The following RASSF8 variants were observed in gnomAD, a reference collection of about 807,000 sequenced individuals.
The protein encoded by RASSF8 is Ras association domain family member 8.
RASSF8 carries 22 observed loss-of-function variants against 48.5 expected under a neutral mutation model. That is an observed-to-expected ratio of 0.45 (90% CI 0.32 to 0.65). RASSF8 has a LOEUF of 0.65. Among genes scored for constraint, RASSF8 ranks in the 30% least tolerant of loss-of-function variants. RASSF8 has a pLI of 0.03. For missense variants in RASSF8, 418 were observed against 489.2 expected (o/e 0.85, Z 1.37); for synonymous variants, 127 against 171.5 (o/e 0.74, Z 2.03).
intron 2 of RASSF8, among the ~76,000 whole-genome samples, chr12:26,040,633 G>A (rs1943244165): frequency 6.6e-6 from 1 of 152,140 alleles, no homozygotes; most frequent in Non-Finnish European, 1.5e-5. Context: ...ATGCCACACT[G>A]CTGACATCTT....
At position 26,072,148 on chromosome 12, in the gene RASSF8, G is replaced by A. The variant is rs1437646271; in HGVS notation, c.*3330G>A. On this transcript the variant is annotated 3_prime_UTR_variant, in exon 6 of 6. Transcript: ENST00000689635. Reference sequence around the variant, plus strand: ...ATTTGGCCTTAATTTATATAACGATGCTGTGTTCACATCCCTCTCCTACCT... The same window carrying A: ...ATTTGGCCTTAATTTATATAACGATACTGTGTTCACATCCCTCTCCTACCT... 1.0e-6 allele frequency: 1 copy of A among 983,350 alleles called. No individual in the cohort carries two copies. The highest frequency in any genetic ancestry group is 1.2e-6 in the Non-Finnish European group (1 of 828,196). The allele number at this position is 983,350 out of a possible 1,614,324, so 60.9% of individuals were successfully genotyped here. A position where few individuals can be genotyped will look rare whatever the true frequency, so the allele number is the denominator to read the frequency against.
intron 4 of RASSF8, among the ~76,000 whole-genome samples, 167 bp downstream of exon 4, chr12:26,065,554 C>CAG (rs1340824491): frequency 1.3e-5 from 2 of 152,214 alleles, no homozygotes; most frequent in Non-Finnish European, 2.9e-5. Context: ...TAGATGGGAG[C>CAG]AGTAGCCTTG....
exon 6 of RASSF8, chr12:26,079,322 C>T (rs1302514575): frequency 1.4e-5 from 4 of 292,120 alleles, no homozygotes; most frequent in East Asian, 6.4e-5. Context: ...TGGTGGCTCA[C>T]GCCTGTAATC....
At chr12:25,986,027 A>G (rs1449340445) in intron 1 of RASSF8, among the ~76,000 whole-genome samples, 1 of 152,224 alleles carries the variant, frequency 6.6e-6, no homozygotes, top group Non-Finnish European at 1.5e-5. Flanking sequence ...ACAGGGCTAT[A>G]AAAGTGAAGT....
At chr12:26,066,906 C>T (rs1426173462) in intron 4 of RASSF8, among the ~76,000 whole-genome samples, 4 of 152,188 alleles carry the variant, frequency 2.6e-5, no homozygotes, top group Non-Finnish European at 5.9e-5. Context: ...TCCAGCTATC[C>T]AAACTTGATC....
exon 6 of RASSF8, chr12:26,079,258 C>A (rs1295567165): frequency 6.8e-6 from 3 of 442,812 alleles, no homozygotes; most frequent in Non-Finnish European, 1.2e-5. Context: ...AAGGAACTCA[C>A]AGAACTTAAA....
Position 26,071,017 on chromosome 12 carries a change from C to T in RASSF8, c.*2199C>T. Reference sequence around the variant, plus strand: ...TCTCTGACAACTTCATCAGAATTTCCAAGCTGCCAAATAATCTTCATAGAC... The same window carrying T: ...TCTCTGACAACTTCATCAGAATTTCTAAGCTGCCAAATAATCTTCATAGAC... On this transcript the variant is annotated 3_prime_UTR_variant, in exon 6 of 6. Transcript: ENST00000689635. 1.0e-6 allele frequency: 1 copy of T among 985,168 alleles called. No homozygotes were observed. The highest frequency in any genetic ancestry group is 1.2e-6 in the Non-Finnish European group (1 of 829,750). 61.0% of individuals were successfully genotyped at this position (985,168 alleles called of 1,614,324 possible).
At chr12:25,968,298 C>T (rs1364441194) in intron 1 of RASSF8, among the ~76,000 whole-genome samples, 4 of 152,096 alleles carry the variant, frequency 2.6e-5, no homozygotes, top group African/African-American at 7.2e-5. Flanking sequence ...CATCTTGAAA[C>T]GTTGCTTCCT....
At chr12:26,032,100 A>G (rs547683639) in intron 2 of RASSF8, among the ~76,000 whole-genome samples, 15 of 152,282 alleles carry the variant, frequency 9.9e-5, no homozygotes, top group African/African-American at 3.6e-4. Flanking sequence ...AAATTTACCA[A>G]TCAGGGAATT....
intron 2 of RASSF8, among the ~76,000 whole-genome samples, chr12:26,006,841 C>A (rs1391937174): frequency 6.6e-6 from 1 of 152,192 alleles, no homozygotes; most frequent in African/African-American, 2.4e-5. Context: ...AGCTTTAGTT[C>A]TTACTCACTA....
chr12:26,055,047 G>A (rs1943572976), intron 2 of RASSF8, among the ~76,000 whole-genome samples, 189 bp from the exon 3 acceptor site: 1 of 152,140 alleles, frequency 6.6e-6, no homozygotes, highest in South Asian at 2.1e-4. Flanking sequence ...AAAAATAGTT[G>A]TAACATGAAA....
At chr12:25,981,260 A>G (rs1246662296) in intron 1 of RASSF8, among the ~76,000 whole-genome samples, 1 of 152,156 alleles carries the variant, frequency 6.6e-6, no homozygotes, top group African/African-American at 2.4e-5. Flanking sequence ...TATCCAGGGA[A>G]GAGAGTCTAG....
Position 26,069,634 on chromosome 12 carries a change from C to T in RASSF8, c.*816C>T. On this transcript the variant is annotated 3_prime_UTR_variant, in exon 6 of 6. Coordinates refer to ENST00000689635, the MANE Select transcript of RASSF8 (RefSeq NM_001394098.1). The stretch of plus-strand genomic sequence containing the variant: ...ATACATTATGTGTTTTGTTTCTGCC[C>T]TGTCTTATCATTTACACTCATGGAT... 6.1e-6 allele frequency: 6 copies of T among 985,354 alleles called. No individual in the cohort carries two copies. Among genetic ancestry groups the T allele is most frequent in the Non-Finnish European group, 7.2e-6 (6 of 829,888 alleles). The allele number at this position is 985,354 out of a possible 1,614,324, so 61.0% of individuals were successfully genotyped here.
At chr12:26,037,996 G>A (rs1429481177) in intron 2 of RASSF8, among the ~76,000 whole-genome samples, 5 of 152,210 alleles carry the variant, frequency 3.3e-5, no homozygotes, top group Non-Finnish European at 5.9e-5. Context: ...CCTGTGCTGT[G>A]TGTATTTGCA....
intron 1 of RASSF8, among the ~76,000 whole-genome samples, chr12:25,965,461 T>C (rs1941339878): frequency 6.7e-6 from 1 of 150,092 alleles, no homozygotes; most frequent in Admixed American, 6.7e-5. Context: ...GCCTCCTAGG[T>C]TCAGTCAATT....
At position 26,065,162 on chromosome 12, in the gene RASSF8, CAAATT is replaced by C. The variant is rs760576890; in HGVS notation, c.772_776del (p.Leu258GlyfsTer14). The C allele has an allele frequency of 6.2e-7, 1 of 1,613,802 alleles. No individual in the cohort carries two copies. On this transcript the variant is annotated frameshift_variant, in exon 4 of 6. Coordinates refer to ENST00000689635, the MANE Select transcript of RASSF8 (RefSeq NM_001394098.1). LOFTEE classifies it high-confidence loss of function. ...GACAGAAAATAACAGAATGTGAAAACAAATTAAAGGACTATTTGGCACAGATCCGG... is the reference window on the plus strand; with the variant it reads ...GACAGAAAATAACAGAATGTGAAAACAAAGGACTATTTGGCACAGATCCGG...
At chr12:25,979,609 T>A (rs1011426540) in intron 1 of RASSF8, among the ~76,000 whole-genome samples, 1 of 152,240 alleles carries the variant, frequency 6.6e-6, no homozygotes, top group Non-Finnish European at 1.5e-5. Flanking sequence ...TGTGCTTTTT[T>A]ATTCCCCATT....
downstream of RASSF8, among the ~76,000 whole-genome samples, chr12:26,074,622 A>G (rs182580268): frequency 4.3e-3 from 655 of 152,088 alleles, 3 homozygotes; most frequent in Middle Eastern, 0.01. Context: ...GGATTACAGC[A>G]GTGAGCCACT....
chr12:26,019,563 CTGTGTG>C (rs56895234), intron 2 of RASSF8, among the ~76,000 whole-genome samples: 6,480 of 148,220 alleles, frequency 0.044, 173 homozygotes, highest in Middle Eastern at 0.072. Flanking sequence ...CGGGCATACA[CTGTGTG>C]TGTGTGTGTG....
Sources: gnomAD v4.1 joint callset for allele counts (sites outside exome capture counted in the v4.1 genomes callset) on GRCh38, gnomAD v4.1.1 for gene constraint, MANE v1.5 for transcripts, NCBI Gene and HGNC (gene_info 2026-07-23, HGNC 2026-07-21) for gene names.